The following SCARA5 variants were observed in gnomAD, a reference collection of about 807,000 sequenced individuals.
The protein encoded by SCARA5 is scavenger receptor class A, member 5 (putative).
Under a neutral mutation model 46.3 loss-of-function variants are expected in SCARA5, and 45 were observed. The observed-to-expected ratio is 0.97, with a 90% CI of 0.76 to 1.24. The LOEUF is 1.24. Ranked by LOEUF, SCARA5 falls within the 50% of genes most tolerant of loss-of-function variation. The pLI, the probability that SCARA5 is intolerant of heterozygous loss-of-function variation, is 0.00. For missense variants in SCARA5, 680 were observed against 689.0 expected (o/e 0.99, Z 0.15); for synonymous variants, 333 against 306.5 (o/e 1.09, Z -0.90).
At chr8:27,892,575 T>A (rs572280145) in intron 7 of SCARA5, among the ~76,000 whole-genome samples, 1 of 149,890 alleles carries the variant, frequency 6.7e-6, no homozygotes, top group African/African-American at 2.5e-5. Flanking sequence ...GACTCCACCA[T>A]AGGCCAGAAG....
intron 2 of SCARA5, among the ~76,000 whole-genome samples, chr8:27,985,211 A>T (rs1428803036): frequency 6.6e-6 from 1 of 152,146 alleles, no homozygotes; most frequent in Non-Finnish European, 1.5e-5. Context: ...AGAGTCAGGG[A>T]AAGGGGGATG....
chr8:27,976,252 TGAAAGATGCCATTATTCAC>T (rs1554479062), intron 2 of SCARA5, among the ~76,000 whole-genome samples: 1 of 151,934 alleles, frequency 6.6e-6, no homozygotes, highest in Non-Finnish European at 1.5e-5. Flanking sequence ...CTGGGGCTGG[TGAAAGATGCCATTATTCAC>T]GCTGCAAATG....
intron 7 of SCARA5, among the ~76,000 whole-genome samples, chr8:27,896,459 C>T (rs1478162744): frequency 6.6e-6 from 1 of 152,162 alleles, no homozygotes; most frequent in South Asian, 2.1e-4. Context: ...AGGTTTACCC[C>T]TCTCTAACTC....
intron 3 of SCARA5, among the ~76,000 whole-genome samples, chr8:27,923,765 G>C (rs998610928): frequency 1.3e-5 from 2 of 152,170 alleles, no homozygotes; most frequent in Non-Finnish European, 2.9e-5. Context: ...AATAGAGATG[G>C]GGTTTCACCA....
chr8:27,905,815 A>T (rs1468540704), intron 6 of SCARA5, among the ~76,000 whole-genome samples: 2 of 147,294 alleles, frequency 1.4e-5, no homozygotes, highest in African/African-American at 5.0e-5. Context: ...GGTTCAAGTG[A>T]TTCTCCTGCC....
chr8:27,887,973 G>A (rs867132893), intron 7 of SCARA5, among the ~76,000 whole-genome samples: 1 of 152,292 alleles, frequency 6.6e-6, no homozygotes, highest in East Asian at 1.9e-4. Context: ...AAACCCAGCT[G>A]GATGTTTTTC....
intron 3 of SCARA5, among the ~76,000 whole-genome samples, chr8:27,964,827 T>C (rs1808344302): frequency 6.6e-6 from 1 of 152,038 alleles, no homozygotes; most frequent in African/African-American, 2.4e-5. Flanking sequence ...CCCCCATCTG[T>C]CACCTAAAAG....
At chr8:27,909,886 A>C in intron 4 of SCARA5, 143 bp from the exon 5 acceptor site, 1 of 550,168 alleles carries the variant, frequency 1.8e-6, no homozygotes, top group Non-Finnish European at 3.2e-6. Context: ...CCCCCAGCCC[A>C]GTCTCGGGGG....
chr8:27,940,153 C>T (rs1437994219), intron 3 of SCARA5, among the ~76,000 whole-genome samples: 1 of 152,234 alleles, frequency 6.6e-6, no homozygotes, highest in African/African-American at 2.4e-5. Context: ...AGCATAAGCT[C>T]TCCCCACTGG....
At chr8:27,932,426 C>A (rs1443277724) in intron 3 of SCARA5, among the ~76,000 whole-genome samples, 1 of 152,204 alleles carries the variant, frequency 6.6e-6, no homozygotes, top group Non-Finnish European at 1.5e-5. Context: ...CTGTATTAGT[C>A]CTCTCCGGCT....
chr8:27,965,824 C>T (rs914438557), intron 3 of SCARA5, among the ~76,000 whole-genome samples: 2 of 152,234 alleles, frequency 1.3e-5, no homozygotes, highest in Admixed American at 1.3e-4. Context: ...AGCTGGGCTG[C>T]TCACAGCTTG....
chr8:27,878,585 C>A (rs1806761024), intron 8 of SCARA5, among the ~76,000 whole-genome samples: 1 of 152,180 alleles, frequency 6.6e-6, no homozygotes, highest in Non-Finnish European at 1.5e-5. Flanking sequence ...GATGAAGACT[C>A]TCCAAATCTT....
intron 7 of SCARA5, among the ~76,000 whole-genome samples, chr8:27,883,689 C>G (rs1014765788): frequency 6.6e-6 from 1 of 152,146 alleles, no homozygotes; most frequent in East Asian, 1.9e-4. Context: ...AATCCAAGGC[C>G]AGAGAAGAAA....
intron 7 of SCARA5, among the ~76,000 whole-genome samples, chr8:27,899,588 C>T (rs1037783763): frequency 3.9e-5 from 6 of 152,350 alleles, no homozygotes; most frequent in African/African-American, 1.4e-4. Context: ...CAGGGACAGC[C>T]AAGGCTCCGC....
chr8:27,968,300 A>T (rs1417029265), intron 2 of SCARA5, among the ~76,000 whole-genome samples: 1 of 152,238 alleles, frequency 6.6e-6, no homozygotes, highest in Admixed American at 6.5e-5. Context: ...TAATATTTCC[A>T]TAAGACATTG....
At chr8:27,937,668 G>A (rs1807879502) in intron 3 of SCARA5, among the ~76,000 whole-genome samples, 1 of 152,150 alleles carries the variant, frequency 6.6e-6, no homozygotes, top group Non-Finnish European at 1.5e-5. Flanking sequence ...AGACTTTTAT[G>A]TTCTCACAGT....
At position 27,871,975 on chromosome 8, in the gene SCARA5, C is replaced by T; in HGVS notation, c.1447G>A (p.Gly483Arg). Reference sequence around the variant, plus strand: ...GTCACGCTGGCATCTTCGGCATGTCCACAGTTTGTCACCCCCCATTTGGAG... The same window carrying T: ...GTCACGCTGGCATCTTCGGCATGTCTACAGTTTGTCACCCCCCATTTGGAG... ...SFSKWGVTNC[G>R]HAEDASVTCN... The change falls in exon 9 of 9, where the codon GGA becomes AGA. Residue 483 changes from glycine (G) to arginine (R), a missense_variant. Coordinates refer to ENST00000354914, the MANE Select transcript of SCARA5 (RefSeq NM_173833.6). The T allele has an allele frequency of 1.9e-6, 3 of 1,614,248 alleles. No homozygotes were observed. The highest frequency in any genetic ancestry group is 2.2e-5 in the East Asian group (1 of 44,888).
At chr8:27,917,069 T>C (rs935574880) in intron 4 of SCARA5, among the ~76,000 whole-genome samples, 1 of 152,210 alleles carries the variant, frequency 6.6e-6, no homozygotes, top group African/African-American at 2.4e-5. Context: ...GGCCCAACTC[T>C]GCTGGCCCCT....
At chr8:27,940,536 C>G (rs1234585670) in intron 3 of SCARA5, among the ~76,000 whole-genome samples, 2 of 152,092 alleles carry the variant, frequency 1.3e-5, no homozygotes, top group African/African-American at 4.8e-5. Flanking sequence ...GCATATTTCT[C>G]AAAACCCAGT....
Sources: gnomAD v4.1 joint callset for allele counts (sites outside exome capture counted in the v4.1 genomes callset) on GRCh38, gnomAD v4.1.1 for gene constraint, MANE v1.5 for transcripts, NCBI Gene and HGNC (gene_info 2026-07-23, HGNC 2026-07-21) for gene names.